The following DLG2 variants were observed in gnomAD, a reference collection of about 807,000 sequenced individuals.
The protein encoded by DLG2 is disks large homolog 2.
Under a neutral mutation model 132.5 loss-of-function variants are expected in DLG2, and 45 were observed. That is an observed-to-expected ratio of 0.34 (90% CI 0.27 to 0.44). The LOEUF (loss-of-function observed/expected upper bound fraction) is 0.44. Ranked by LOEUF, DLG2 falls within the 20% of genes least tolerant of loss-of-function variation. DLG2 has a pLI of 1.00. For synonymous variants in DLG2, 424 were observed against 419.6 expected (o/e 1.01, Z -0.13); for missense variants, 1,045 against 1,196.9 (o/e 0.87, Z 1.87).
chr11:85,117,139 C>G (rs553294298), intron 5 of DLG2, among the ~76,000 whole-genome samples: 130 of 152,118 alleles, frequency 8.5e-4, no homozygotes, highest in African/African-American at 3.1e-3. Flanking sequence ...CATTGTAACA[C>G]CTGTCAAGAC....
chr11:84,844,169 A>ATATATG (rs1236856370), intron 6 of DLG2, among the ~76,000 whole-genome samples: 2 of 131,114 alleles, frequency 1.5e-5, no homozygotes, highest in African/African-American at 5.6e-5. Context: ...ATATATATAT[A>ATATATG]TATGTATCTC....
At chr11:85,186,060 A>T (rs1035490023) in intron 4 of DLG2, among the ~76,000 whole-genome samples, 2 of 152,000 alleles carry the variant, frequency 1.3e-5, no homozygotes, top group Admixed American at 6.6e-5. Context: ...TTTTGACATT[A>T]AACTATGAAC....
At chr11:84,364,916 G>A (rs948865888) in intron 7 of DLG2, among the ~76,000 whole-genome samples, 1 of 152,118 alleles carries the variant, frequency 6.6e-6, no homozygotes, top group Non-Finnish European at 1.5e-5. Flanking sequence ...CGGTTTGCCA[G>A]TATTTTATTG....
chr11:84,713,261 A>G lies in DLG2; in HGVS notation c.358-178530T>C, dbSNP rs368072390. ...ATTTTGGCTCTGCTATTTAAGAGTG[A>G]TATGACTTTGGGCAAATTACTTAAA... On this transcript the variant is annotated intron_variant, in intron 6 of 27. Transcript: ENST00000376104. Among the ~76,000 whole-genome samples the G allele has an allele frequency of 1.2e-4, 19 of 152,248 alleles. No individual in the cohort carries two copies. The South Asian group carries it at 3.9e-3, about 32-fold the overall frequency.
At chr11:84,509,631 A>G (rs1373022789) in intron 7 of DLG2, among the ~76,000 whole-genome samples, 1 of 152,196 alleles carries the variant, frequency 6.6e-6, no homozygotes, top group Non-Finnish European at 1.5e-5. Flanking sequence ...ACAAATAGAA[A>G]GACTAAATTA....
At chr11:83,991,154 A>G (rs2093689901) in intron 11 of DLG2, among the ~76,000 whole-genome samples, 1 of 152,198 alleles carries the variant, frequency 6.6e-6, no homozygotes, top group Non-Finnish European at 1.5e-5. Context: ...CAATATGGTT[A>G]ATTAAAAGCC....
intron 6 of DLG2, among the ~76,000 whole-genome samples, chr11:85,070,218 G>T (rs1187685095): frequency 6.6e-6 from 1 of 151,548 alleles, no homozygotes; most frequent in African/African-American, 2.4e-5. Context: ...CGAGTTAATG[G>T]GTGCAGCACA....
chr11:84,808,652 A>G (rs2076247833), intron 6 of DLG2, among the ~76,000 whole-genome samples: 1 of 152,042 alleles, frequency 6.6e-6, no homozygotes, highest in Non-Finnish European at 1.5e-5. Flanking sequence ...CATCCAGAGG[A>G]CAAGAAGTGA....
intron 17 of DLG2, among the ~76,000 whole-genome samples, chr11:83,804,421 C>T (rs1446888289): frequency 6.6e-6 from 1 of 151,896 alleles, no homozygotes; most frequent in Non-Finnish European, 1.5e-5. Flanking sequence ...GGCCCTGTTT[C>T]CTGTTTATTT....
intron 3 of DLG2, among the ~76,000 whole-genome samples, chr11:85,446,545 C>G (rs1396713495): frequency 6.6e-6 from 1 of 152,144 alleles, no homozygotes; most frequent in African/African-American, 2.4e-5. Context: ...AAATATCGAT[C>G]AGGTAAATGT....
chr11:84,359,957 GA>G (rs368001377), intron 7 of DLG2, among the ~76,000 whole-genome samples: 3 of 151,908 alleles, frequency 2.0e-5, no homozygotes, highest in South Asian at 2.1e-4. Context: ...TAAGACTAGA[GA>G]AAAAAATAGC....
chr11:85,447,581 A>G (rs568376708), intron 3 of DLG2, among the ~76,000 whole-genome samples: 2 of 152,324 alleles, frequency 1.3e-5, no homozygotes, highest in African/African-American at 4.8e-5. Flanking sequence ...TGATCTTGGA[A>G]TATTAGCTTC....
chr11:85,396,118 C>T (rs891038819), intron 3 of DLG2, among the ~76,000 whole-genome samples: 6 of 152,122 alleles, frequency 3.9e-5, no homozygotes, highest in African/African-American at 1.4e-4. Flanking sequence ...GCTGGTGATA[C>T]CCAGTCAAAC....
At chr11:83,914,523 C>T (rs2076598168) in intron 15 of DLG2, among the ~76,000 whole-genome samples, 1 of 152,138 alleles carries the variant, frequency 6.6e-6, no homozygotes, top group South Asian at 2.1e-4. Flanking sequence ...ATCTCTTTTC[C>T]ACAGAAGTAC....
At chr11:84,546,008 G>C (rs762284509) in intron 6 of DLG2, among the ~76,000 whole-genome samples, 1 of 152,028 alleles carries the variant, frequency 6.6e-6, no homozygotes. Flanking sequence ...CATCCGCCTC[G>C]GCCTCCCGAA....
rs867085756 is a variant in DLG2 at position 83,752,286 on chromosome 11, A to G, written c.1825+34404T>C. On this transcript the variant is annotated intron_variant, in intron 18 of 27. Transcript: ENST00000376104. ...CTGTCTCAAAAGAAAAAAAAAAAAA[A>G]GAGGAATAAGCCAAGGGACACTCCA... 2.0e-4 allele frequency among the ~76,000 whole-genome samples: 31 copies of G among 151,664 alleles called. 1 individual carries two copies. The highest frequency in any genetic ancestry group is 2.0e-3 in the Admixed American group (30 of 15,198).
At position 85,035,035 on chromosome 11, in the gene DLG2, C is replaced by T. The variant is rs993443032; in HGVS notation, c.357+76626G>A. ...TTGATATGATATTTTCTTTTTATGT[C>T]CCTCACAAAATACAGAGGTCAGTTT... On this transcript the variant is annotated intron_variant, in intron 6 of 27. Coordinates refer to ENST00000376104, the MANE Select transcript of DLG2 (RefSeq NM_001142699.3). Among the ~76,000 whole-genome samples, 4 of 152,116 alleles carry T rather than the reference C, an allele frequency of 2.6e-5. No individual in the cohort carries two copies. In the East Asian group the frequency reaches 7.7e-4, roughly 29 times the overall value.
intron 18 of DLG2, among the ~76,000 whole-genome samples, chr11:83,705,644 C>T (rs923051801): frequency 2.0e-5 from 3 of 151,926 alleles, no homozygotes; most frequent in Non-Finnish European, 4.4e-5. Flanking sequence ...AAAAGAACAA[C>T]AAAATAAATC....
intron 10 of DLG2, among the ~76,000 whole-genome samples, chr11:84,085,031 T>C (rs1422745190): frequency 2.6e-5 from 4 of 152,246 alleles, no homozygotes; most frequent in African/African-American, 4.8e-5. Flanking sequence ...ATTTAACTAC[T>C]GCCCAGCTTT....
Sources: gnomAD v4.1 joint callset for allele counts (sites outside exome capture counted in the v4.1 genomes callset) on GRCh38, gnomAD v4.1.1 for gene constraint, MANE v1.5 for transcripts, NCBI Gene and HGNC (gene_info 2026-07-23, HGNC 2026-07-21) for gene names.